Variants in PDZRN4 observed in about 807,000 individuals in gnomAD.
PDZRN4 encodes PDZ domain containing ring finger 4.
A neutral mutation model predicts 99.0 loss-of-function variants in PDZRN4; 70 were observed. That is an observed-to-expected ratio of 0.71 (90% CI 0.58 to 0.86). The LOEUF (loss-of-function observed/expected upper bound fraction) is 0.86. Among genes scored for constraint, PDZRN4 ranks in the 40% least tolerant of loss-of-function variants. The pLI, the probability that PDZRN4 is intolerant of heterozygous loss-of-function variation, is 0.00. For synonymous variants in PDZRN4, 551 were observed against 501.6 expected, an observed-to-expected ratio of 1.10 and a Z score of -1.32; for missense variants, 1,474 against 1,331.2, an observed-to-expected ratio of 1.11 and a Z score of -1.67.
In PDZRN4 at chr12:41,563,454, C is replaced by T. The variant is rs1293130315; in HGVS notation, c.1366-94C>T. On this transcript the variant is annotated intron_variant, in intron 7 of 9. Coordinates refer to ENST00000402685, the MANE Select transcript of PDZRN4 (RefSeq NM_001164595.2). ...AGCCCATTGTGTGAGCTTCATTGTC[C>T]ATACATTTACCATAAATGAGCTGAT... 12 of 896,126 alleles carry T rather than the reference C, an allele frequency of 1.3e-5. No individual in the cohort carries two copies. In the African/African-American group the frequency reaches 1.6e-4, roughly 12 times the overall value. The allele number at this position is 896,126 out of a possible 1,614,324, so 55.5% of individuals were successfully genotyped here.
chr12:41,552,372 C>T (rs1488220806), intron 5 of PDZRN4, among the ~76,000 whole-genome samples: 1 of 152,072 alleles, frequency 6.6e-6, no homozygotes, highest in Non-Finnish European at 1.5e-5. Flanking sequence ...TTGATTTATA[C>T]ATTATTGTGT....
In PDZRN4 at chr12:41,317,059, T is replaced by C. The variant is rs1234685404; in HGVS notation, c.843+122871T>C. Among the ~76,000 whole-genome samples, 449 of 139,670 alleles carry C rather than the reference T, an allele frequency of 3.2e-3. 23 individuals are homozygous for C. The highest frequency in any genetic ancestry group is 0.01 in the African/African-American group (408 of 39,926). The allele number at this position is 139,670 out of a possible 152,430, so 91.6% of individuals were successfully genotyped here. A position where few individuals can be genotyped will look rare whatever the true frequency, so the allele number is the denominator to read the frequency against. The stretch of plus-strand genomic sequence containing the variant: ...ATAACTTACATAAAGTATATATATA[T>C]ATATATATATATATAGTATATTTGT... On this transcript the variant is annotated intron_variant, in intron 3 of 9. Coordinates refer to ENST00000402685, the MANE Select transcript of PDZRN4 (RefSeq NM_001164595.2).
intron 3 of PDZRN4, among the ~76,000 whole-genome samples, chr12:41,293,290 G>C (rs1263243973): frequency 6.7e-6 from 1 of 149,086 alleles, no homozygotes; most frequent in African/African-American, 2.5e-5. Context: ...TAATTTCCCT[G>C]GTGCTGACGA....
At chr12:41,230,981 A>C (rs1951024851) in intron 3 of PDZRN4, among the ~76,000 whole-genome samples, 2 of 152,118 alleles carry the variant, frequency 1.3e-5, no homozygotes, top group Non-Finnish European at 2.9e-5. Context: ...TGGTAGGATT[A>C]ATTTAAAGTA....
rs912718463 is a variant in PDZRN4, at chr12:41,285,592, G to A, written c.843+91404G>A. Among the ~76,000 whole-genome samples the A allele has an allele frequency of 5.9e-5, 9 of 152,098 alleles. No individual in the cohort carries two copies. The East Asian group carries it at 1.7e-3, about 29-fold the overall frequency. On this transcript the variant is annotated intron_variant, in intron 3 of 9. Coordinates refer to ENST00000402685, the MANE Select transcript of PDZRN4 (RefSeq NM_001164595.2). ...GCAGCACTGTTCACAATAGCAAAGA[G>A]TTGGAACCAACCAAATAACCATCAA...
chr12:41,420,545 C>T (rs1338173821), intron 3 of PDZRN4, among the ~76,000 whole-genome samples: 2 of 152,140 alleles, frequency 1.3e-5, no homozygotes, highest in African/African-American at 4.8e-5. Context: ...CTGATACGTT[C>T]CAATCAATAA....
intron 3 of PDZRN4, among the ~76,000 whole-genome samples, chr12:41,237,984 G>GT (rs1225369462): frequency 3.3e-5 from 5 of 151,906 alleles, no homozygotes; most frequent in Admixed American, 6.6e-5. Context: ...TTTTAAAATA[G>GT]TTTTTTTTCT....
chr12:41,507,912 A>G (rs1023739642), intron 4 of PDZRN4, among the ~76,000 whole-genome samples: 12 of 152,130 alleles, frequency 7.9e-5, no homozygotes, highest in Non-Finnish European at 1.5e-4. Context: ...TTTATATTCT[A>G]CAAGGGGAGT....
At chr12:41,311,702 T>C (rs1027175352) in intron 3 of PDZRN4, among the ~76,000 whole-genome samples, 3 of 152,182 alleles carry the variant, frequency 2.0e-5, no homozygotes, top group South Asian at 2.1e-4. Context: ...GTATGAATCA[T>C]TGACTGTTTT....
intron 3 of PDZRN4, among the ~76,000 whole-genome samples, chr12:41,232,344 G>C (rs952799977): frequency 6.6e-6 from 1 of 151,996 alleles, no homozygotes; most frequent in African/African-American, 2.4e-5. Context: ...TGCTTTCCCT[G>C]GTTCATGATA....
chr12:41,534,046 T>C (rs1051034107), intron 5 of PDZRN4, among the ~76,000 whole-genome samples: 26 of 152,220 alleles, frequency 1.7e-4, no homozygotes, highest in African/African-American at 6.0e-4. Flanking sequence ...TTACTTTCCT[T>C]AAACAATAAA....
chr12:41,447,865 G>A (rs1952742467), intron 3 of PDZRN4, among the ~76,000 whole-genome samples: 1 of 151,922 alleles, frequency 6.6e-6, no homozygotes, highest in African/African-American at 2.4e-5. Flanking sequence ...CTGACATATA[G>A]TAGGCACTCA....
At chr12:41,456,338 A>G (rs1350402480) in intron 3 of PDZRN4, among the ~76,000 whole-genome samples, 2 of 126,766 alleles carry the variant, frequency 1.6e-5, no homozygotes, top group East Asian at 4.1e-4. Context: ...TTATAAAAGA[A>G]TGAATGGTTG....
At chr12:41,288,837 T>C (rs1951437977) in intron 3 of PDZRN4, among the ~76,000 whole-genome samples, 1 of 152,176 alleles carries the variant, frequency 6.6e-6, no homozygotes, top group Admixed American at 6.5e-5. Context: ...TAAACTTTGT[T>C]AAACTATCCA....
chr12:41,406,647 A>G lies in PDZRN4; in HGVS notation c.844-99809A>G, dbSNP rs374735802. On this transcript the variant is annotated intron_variant, in intron 3 of 9. Coordinates refer to ENST00000402685, the MANE Select transcript of PDZRN4 (RefSeq NM_001164595.2). ...GGTGGCTCACGCCTGTAATCCCAGC[A>G]CTTTGGGAGGCCGAGGCGGGCAGAT... Among the ~76,000 whole-genome samples, 4 of 152,160 alleles carry G rather than the reference A, an allele frequency of 2.6e-5. No homozygotes were observed. The East Asian group carries it at 7.8e-4, about 30-fold the overall frequency.
intron 5 of PDZRN4, among the ~76,000 whole-genome samples, chr12:41,551,785 T>C (rs952574137): frequency 7.2e-5 from 11 of 152,210 alleles, no homozygotes; most frequent in African/African-American, 2.7e-4. Context: ...ATAATTAGTG[T>C]GCTAATTTGT....
intron 3 of PDZRN4, among the ~76,000 whole-genome samples, chr12:41,490,014 G>C (rs1937852960): frequency 6.6e-6 from 1 of 151,920 alleles, no homozygotes; most frequent in Admixed American, 6.6e-5. Context: ...GGCATTAAAA[G>C]TCAAGACTTT....
intron 3 of PDZRN4, among the ~76,000 whole-genome samples, chr12:41,292,529 C>T (rs1951463102): frequency 6.6e-6 from 1 of 152,092 alleles, no homozygotes; most frequent in Non-Finnish European, 1.5e-5. Flanking sequence ...TTTCAGGACC[C>T]CCCTTTGACT....
chr12:41,484,254 G>C (rs565214318), intron 3 of PDZRN4, among the ~76,000 whole-genome samples: 66 of 152,276 alleles, frequency 4.3e-4, no homozygotes, highest in African/African-American at 1.4e-3. Context: ...AGAGATCAAA[G>C]TAAATCTATG....
Sources: allele counts gnomAD v4.1 joint callset (sites outside exome capture counted in the v4.1 genomes callset), GRCh38; gene constraint gnomAD v4.1.1; transcripts MANE v1.5; gene names NCBI Gene and HGNC (gene_info 2026-07-23, HGNC 2026-07-21).